Variants in IL31RA observed in about 807,000 individuals in gnomAD.
IL31RA encodes interleukin-31 receptor subunit alpha.
In IL31RA, 66 loss-of-function variants were observed where a neutral mutation model predicts 83.7. The observed-to-expected ratio is 0.79, with a 90% CI of 0.65 to 0.97. The LOEUF is 0.97. Among genes scored for constraint, IL31RA ranks in the 50% least tolerant of loss-of-function variants. IL31RA has a pLI of 0.00. For synonymous variants in IL31RA, 325 were observed against 329.0 expected (o/e 0.99, Z 0.13); for missense variants, 798 against 919.4 (o/e 0.87, Z 1.71).
In IL31RA at chr5:55,917,008, C is replaced by T. The variant is rs1749830290; in HGVS notation, c.2183C>T (p.Pro728Leu). The part of the protein sequence containing the change: ...QLLFSGQSLV[P>L]DHLCEEGAPN... ...CTCTTTTCTGGTCAAAGTTTAGTAC[C>T]AGATCATCTGTGTGAGGAAGGAGCC... Residue 728 changes from proline to leucine, a missense_variant, in exon 15 of 15, where the codon CCA becomes CTA. Transcript: ENST00000652347. 6.2e-7 allele frequency: 1 copy of T among 1,614,156 alleles called. No individual in the cohort carries two copies. Among genetic ancestry groups the T allele is most frequent in the African/African-American group, 1.3e-5 (1 of 75,032 alleles).
chr5:55,856,283 G>A (rs997964728), intron 1 of IL31RA, among the ~76,000 whole-genome samples: 1 of 152,192 alleles, frequency 6.6e-6, no homozygotes, highest in African/African-American at 2.4e-5. Context: ...TGGCATATTT[G>A]TAGTGTTGTT....
intron 12 of IL31RA, among the ~76,000 whole-genome samples, chr5:55,911,281 C>G (rs1365401285): frequency 6.6e-6 from 1 of 152,128 alleles, no homozygotes. Flanking sequence ...ACTATGAGAA[C>G]AGTATGGGGG....
intron 7 of IL31RA, among the ~76,000 whole-genome samples, chr5:55,898,722 G>A (rs560978491): frequency 6.7e-6 from 1 of 150,348 alleles, no homozygotes; most frequent in African/African-American, 2.4e-5. Flanking sequence ...AAAAGAATAT[G>A]TGTTATTTAA....
chr5:55,917,112 G>A lies in IL31RA; in HGVS notation c.2287G>A (p.Glu763Lys), dbSNP rs1749838501. The change falls in exon 15 of 15, where the codon GAA (glutamate) becomes AAA (lysine). Residue 763 changes from glutamate to lysine, a missense_variant. Coordinates refer to ENST00000652347, the MANE Select transcript of IL31RA (RefSeq NM_139017.7). Reference sequence around the variant, plus strand: ...AAAACTTCCAGAGCACACCAAGGGAGAAGTCTAAATGCGACCATAGCATGA... The same window carrying A: ...AAAACTTCCAGAGCACACCAAGGGAAAAGTCTAAATGCGACCATAGCATGA... ...SEKLPEHTKG[E>K]V 1 of 1,614,170 alleles carries A rather than the reference G, an allele frequency of 6.2e-7. No individual in the cohort carries two copies. Among genetic ancestry groups the A allele is most frequent in the Non-Finnish European group, 8.5e-7 (1 of 1,180,040 alleles).
chr5:55,891,761 AT>A (rs35672011), intron 6 of IL31RA, among the ~76,000 whole-genome samples: 288 of 59,962 alleles, frequency 4.8e-3, no homozygotes, highest in East Asian at 7.9e-3. Context: ...TTTGGACAAG[AT>A]TTTTTTTTTT....
chr5:55,872,781 T>G (rs141535700), intron 4 of IL31RA, among the ~76,000 whole-genome samples: 1 of 152,032 alleles, frequency 6.6e-6, no homozygotes, highest in Admixed American at 6.6e-5. Flanking sequence ...CCTGCCAATG[T>G]CATTGCTCAT....
At chr5:55,850,516 TACA>T (rs1469476338), upstream of IL31RA, among the ~76,000 whole-genome samples, 3 of 152,172 alleles carry the variant, frequency 2.0e-5, no homozygotes, top group Non-Finnish European at 2.9e-5. Context: ...ATTTTGTGGG[TACA>T]ACATTTTTTC....
intron 10 of IL31RA, 47 bp from the exon 11 acceptor site, chr5:55,908,218 C>T: frequency 6.2e-7 from 1 of 1,612,114 alleles, no homozygotes; most frequent in East Asian, 2.2e-5. Flanking sequence ...GAACGATCTC[C>T]TGGAGTGCGG....
Position 55,870,012 on chromosome 5 carries a change from C to T in IL31RA, c.272+1104C>T, listed in dbSNP as rs1027316785. On this transcript the variant is annotated intron_variant, in intron 3 of 14. Coordinates refer to ENST00000652347, the MANE Select transcript of IL31RA (RefSeq NM_139017.7). ...ATTCTCAGCAGCACTGATATAGCTA[C>T]GAGAACCTATGTCAGAGAGATGCTT... Among the ~76,000 whole-genome samples, 13 of 152,092 alleles carry T rather than the reference C, an allele frequency of 8.5e-5. No homozygotes were observed. In the East Asian group the frequency reaches 9.6e-4, roughly 11 times the overall value.
intron 1 of IL31RA, among the ~76,000 whole-genome samples, chr5:55,858,723 C>T (rs1370975512): frequency 6.6e-6 from 1 of 152,088 alleles, no homozygotes; most frequent in East Asian, 1.9e-4. Flanking sequence ...TATTCTTAGA[C>T]TATCCCACCA....
chr5:55,890,136 G>A lies in IL31RA; in HGVS notation c.772+1G>A. The A allele has an allele frequency of 6.2e-7, 1 of 1,613,468 alleles. No individual in the cohort carries two copies. Among genetic ancestry groups the A allele is most frequent in the Non-Finnish European group, 8.5e-7 (1 of 1,179,610 alleles). Reference sequence around the variant, plus strand: ...AAAATGGGAATGACTGAGGAAGAAGGCAAGCTACTCCCTGCGATTCCCGTC... The same window carrying A: ...AAAATGGGAATGACTGAGGAAGAAGACAAGCTACTCCCTGCGATTCCCGTC... On this transcript the variant is annotated splice_donor_variant, in intron 6 of 14. Transcript: ENST00000652347. LOFTEE classifies it high-confidence loss of function.
chr5:55,901,860 C>A (rs892556763), intron 8 of IL31RA, among the ~76,000 whole-genome samples: 2 of 152,112 alleles, frequency 1.3e-5, no homozygotes, highest in Non-Finnish European at 2.9e-5. Context: ...GGTGATCCAC[C>A]TGCCTCAGCC....
chr5:55,872,333 G>T lies in IL31RA; in HGVS notation c.336G>T (p.Ser112=). The change falls in exon 4 of 15, where the codon TCG becomes TCT. Residue 112 remains serine (S), a synonymous_variant. Coordinates refer to ENST00000652347, the MANE Select transcript of IL31RA (RefSeq NM_139017.7). ...TNSSTSENRA[S]CSFFLPRITI... is the part of the protein sequence containing the mutation. ...GTTCTACAAGTGAAAATCGTGCTTCGTGCTCTTTTTTCCTTCCAAGAATAA... is the reference window on the plus strand; with the variant it reads ...GTTCTACAAGTGAAAATCGTGCTTCTTGCTCTTTTTTCCTTCCAAGAATAA... The T allele has an allele frequency of 2.5e-6, 4 of 1,613,152 alleles. No homozygotes were observed. In the South Asian group the frequency reaches 3.3e-5, roughly 13 times the overall value.
At chr5:55,898,599 GTTATTTTAAAAAGATTTTAAATAA>G (rs1748587456) in intron 7 of IL31RA, among the ~76,000 whole-genome samples, 1 of 146,432 alleles carries the variant, frequency 6.8e-6, no homozygotes, top group Non-Finnish European at 1.5e-5. Context: ...ATATTAATAT[GTTATTTTAAAAAGATTTTAAATAA>G]CATATTAATG....
At chr5:55,910,776 G>A (rs1342624857) in intron 12 of IL31RA, 104 bp downstream of exon 12, 1 of 1,217,326 alleles carries the variant, frequency 8.2e-7, no homozygotes, top group Non-Finnish European at 1.2e-6. Context: ...TGAAAGGGCA[G>A]TGCCTAGTGC....
intron 5 of IL31RA, among the ~76,000 whole-genome samples, chr5:55,888,097 G>C: frequency 6.6e-6 from 1 of 151,838 alleles, no homozygotes; most frequent in East Asian, 1.9e-4. Context: ...TTTTGTATCA[G>C]AACTTCTGAC....
intron 3 of IL31RA, 149 bp downstream of exon 3, chr5:55,869,057 C>T (rs906533914): frequency 9.4e-5 from 68 of 722,884 alleles, no homozygotes; most frequent in East Asian, 4.7e-4. Flanking sequence ...GGCTTGTGGA[C>T]GGGATCTGGA....
chr5:55,867,117 G>GTT (rs763623247), intron 2 of IL31RA, among the ~76,000 whole-genome samples: 1 of 113,972 alleles, frequency 8.8e-6, no homozygotes, highest in African/African-American at 4.0e-5. Flanking sequence ...GTGTGCATGT[G>GTT]TGTGTTTGTG....
At chr5:55,906,509 C>T (rs1414081240) in intron 9 of IL31RA, among the ~76,000 whole-genome samples, 1 of 152,150 alleles carries the variant, frequency 6.6e-6, no homozygotes, top group Non-Finnish European at 1.5e-5. Flanking sequence ...GATCGATCTC[C>T]AGGTGGAAAA....
Sources: gnomAD v4.1 joint callset for allele counts (sites outside exome capture counted in the v4.1 genomes callset) on GRCh38, gnomAD v4.1.1 for gene constraint, MANE v1.5 for transcripts, NCBI Gene and HGNC (gene_info 2026-07-23, HGNC 2026-07-21) for gene names.